SLIT3: variants seen among roughly 807,000 people sequenced by gnomAD.
SLIT3 encodes slit homolog 3 protein.
SLIT3 carries 68 observed loss-of-function variants against 184.0 expected under a neutral mutation model. That is an observed-to-expected ratio of 0.37 (90% CI 0.30 to 0.45). The LOEUF (loss-of-function observed/expected upper bound fraction) is 0.45. Among genes scored for constraint, SLIT3 ranks in the 20% least tolerant of loss-of-function variants. The probability of loss-of-function intolerance (pLI) is 1.00; values close to 1 mark genes in which losing one functional copy is unlikely to be tolerated. For synonymous variants in SLIT3, 831 were observed against 828.6 expected (o/e 1.00, Z -0.05); for missense variants, 1,707 against 2,026.0 (o/e 0.84, Z 3.02).
intron 6 of SLIT3, among the ~76,000 whole-genome samples, chr5:168,842,864 C>G (rs1403679028): frequency 1.3e-5 from 2 of 152,190 alleles, no homozygotes; most frequent in East Asian, 1.9e-4. Flanking sequence ...TCTCATCTTT[C>G]TCATTCTCTC....
intron 8 of SLIT3, among the ~76,000 whole-genome samples, chr5:168,815,620 G>C (rs1244967040): frequency 2.6e-5 from 4 of 152,202 alleles, no homozygotes; most frequent in African/African-American, 9.7e-5. Flanking sequence ...GTGTCTATAG[G>C]AAGTTATTGA....
In SLIT3 at chr5:168,696,353, G is replaced by A; in HGVS notation, c.3021C>T (p.Asn1007=). Reference sequence around the variant, plus strand: ...TGATCCCGTCCACGCAGGTGGCATTGTTTTCGCAGTCGTTGTCCTCACAGT... The same window carrying A: ...TGATCCCGTCCACGCAGGTGGCATTATTTTCGCAGTCGTTGTCCTCACAGT... The part of the protein sequence containing the change: ...PDDCEDNDCE[N]NATCVDGINN... The change falls in exon 28 of 36, where the codon AAC becomes AAT. Residue 1007 remains asparagine (N), a synonymous_variant. Transcript: ENST00000519560. 1 of 1,614,194 alleles carries A rather than the reference G, an allele frequency of 6.2e-7. No individual in the cohort carries two copies. The highest frequency in any genetic ancestry group is 8.5e-7 in the Non-Finnish European group (1 of 1,180,034).
intron 7 of SLIT3, among the ~76,000 whole-genome samples, chr5:168,821,662 C>T (rs528881379): frequency 1.2e-3 from 183 of 152,338 alleles, no homozygotes; most frequent in Non-Finnish European, 2.2e-3. Flanking sequence ...GGAAGCAGGG[C>T]TCAGATTATT....
At chr5:168,930,424 G>GCAA (rs1761950195) in intron 4 of SLIT3, among the ~76,000 whole-genome samples, 1 of 152,194 alleles carries the variant, frequency 6.6e-6, no homozygotes, top group East Asian at 1.9e-4. Context: ...AGGCTCTGAA[G>GCAA]TCAGGCAATC....
In SLIT3 at chr5:168,912,348, G is replaced by T. The variant is rs115627460; in HGVS notation, c.414-29012C>A. ...TAGTTAAGTTTTGGGATAGTCAAAAGTTATATGTGGATTTTCTACTGTGCA... is the reference window on the plus strand; with the variant it reads ...TAGTTAAGTTTTGGGATAGTCAAAATTTATATGTGGATTTTCTACTGTGCA... On this transcript the variant is annotated intron_variant, in intron 4 of 35. Coordinates refer to ENST00000519560, the MANE Select transcript of SLIT3 (RefSeq NM_003062.4). Among the ~76,000 whole-genome samples, 735 of 152,288 alleles carry T rather than the reference G, an allele frequency of 4.8e-3. 6 individuals carry two copies. The highest frequency in any genetic ancestry group is 0.017 in the African/African-American group (696 of 41,540).
intron 3 of SLIT3, among the ~76,000 whole-genome samples, chr5:169,241,812 C>T (rs745683): frequency 0.5 from 75,235 of 151,886 alleles, 18,842 homozygotes; most frequent in Middle Eastern, 0.53. Flanking sequence ...GTACCTAACT[C>T]AGCCAGAGGC....
intron 8 of SLIT3, among the ~76,000 whole-genome samples, chr5:168,816,250 G>A (rs534209253): frequency 7.2e-4 from 109 of 152,124 alleles, no homozygotes; most frequent in African/African-American, 2.6e-3. Flanking sequence ...ACAGTGGTGC[G>A]ATCTTGGCTC....
chr5:168,966,960 A>G (rs890044734), intron 4 of SLIT3, among the ~76,000 whole-genome samples: 4 of 152,168 alleles, frequency 2.6e-5, no homozygotes, highest in African/African-American at 9.7e-5. Context: ...CTTTACTCCT[A>G]AGGAAATAAT....
chr5:169,066,324 G>C (rs1416452286), intron 4 of SLIT3, among the ~76,000 whole-genome samples: 1 of 152,162 alleles, frequency 6.6e-6, no homozygotes, highest in Non-Finnish European at 1.5e-5. Context: ...AGGACCATCT[G>C]AATCCTTCAA....
intron 1 of SLIT3, among the ~76,000 whole-genome samples, chr5:169,290,162 G>C (rs1013389120): frequency 6.6e-6 from 1 of 151,826 alleles, no homozygotes; most frequent in African/African-American, 2.4e-5. Context: ...AATATGCTAG[G>C]GCACATGCTA....
At chr5:168,954,100 T>A (rs1033191868) in intron 4 of SLIT3, among the ~76,000 whole-genome samples, 1 of 152,208 alleles carries the variant, frequency 6.6e-6, no homozygotes, top group Middle Eastern at 3.4e-3. Context: ...TTATTCTAGA[T>A]GATCAAGCGT....
intron 4 of SLIT3, among the ~76,000 whole-genome samples, chr5:169,137,335 C>CACACAG (rs368371904): frequency 0.015 from 2,140 of 138,616 alleles, 57 homozygotes; most frequent in African/African-American, 0.054. Context: ...CACACACACA[C>CACACAG]AGAGAGAGAG....
chr5:169,121,674 CAG>C (rs1439668640), intron 4 of SLIT3, among the ~76,000 whole-genome samples: 1 of 152,178 alleles, frequency 6.6e-6, no homozygotes, highest in Non-Finnish European at 1.5e-5. Context: ...GCATTTATGA[CAG>C]AGAGAGGACA....
chr5:168,844,902 T>G, intron 5 of SLIT3: 1 of 473,424 alleles, frequency 2.1e-6, no homozygotes. Flanking sequence ...GCGCATTTTT[T>G]TTTTTTTTTT....
At chr5:169,038,441 CAT>C (rs1163482771) in intron 4 of SLIT3, among the ~76,000 whole-genome samples, 1 of 152,188 alleles carries the variant, frequency 6.6e-6, no homozygotes, top group Non-Finnish European at 1.5e-5. Context: ...TATACCATAA[CAT>C]ATGTGTAAAT....
intron 3 of SLIT3, among the ~76,000 whole-genome samples, chr5:169,220,556 T>G (rs1490847225): frequency 6.6e-6 from 1 of 152,108 alleles, no homozygotes; most frequent in Non-Finnish European, 1.5e-5. Context: ...TCTCATAAGT[T>G]TGTATAAGAG....
At chr5:169,267,012 A>G (rs1291687401) in intron 1 of SLIT3, among the ~76,000 whole-genome samples, 2 of 152,218 alleles carry the variant, frequency 1.3e-5, no homozygotes, top group Non-Finnish European at 2.9e-5. Flanking sequence ...ACTTTCTGCT[A>G]TTTACTATGC....
At chr5:169,136,065 C>G (rs1416434872) in intron 4 of SLIT3, among the ~76,000 whole-genome samples, 1 of 152,152 alleles carries the variant, frequency 6.6e-6, no homozygotes, top group Non-Finnish European at 1.5e-5. Flanking sequence ...GTCAGAAAAC[C>G]AGAAGGGGAG....
At chr5:168,700,216 G>T (rs1045559420) in intron 27 of SLIT3, among the ~76,000 whole-genome samples, 1 of 152,148 alleles carries the variant, frequency 6.6e-6, no homozygotes, top group Admixed American at 6.5e-5. Flanking sequence ...TGGTTTGGCT[G>T]GGTCCCTACC....
Sources: gnomAD v4.1 joint callset for allele counts (sites outside exome capture counted in the v4.1 genomes callset) on GRCh38, gnomAD v4.1.1 for gene constraint, MANE v1.5 for transcripts, NCBI Gene and HGNC (gene_info 2026-07-23, HGNC 2026-07-21) for gene names.